TRMU: variants seen among roughly 807,000 people sequenced by gnomAD.
The protein encoded by TRMU is tRNA mitochondrial 2-thiouridylase, also known as mitochondrial tRNA-specific 2-thiouridylase 1.
Under a neutral mutation model 46.9 loss-of-function variants are expected in TRMU, and 49 were observed. The ratio of observed to expected loss-of-function variants is 1.05; its 90% confidence interval spans 0.83 to 1.33. The LOEUF is 1.33. Among genes scored for constraint, TRMU ranks in the 40% most tolerant of loss-of-function variants. The pLI is 0.00. For missense variants in TRMU, 572 were observed against 532.4 expected (o/e 1.07, Z -0.73); for synonymous variants, 241 against 200.9 (o/e 1.20, Z -1.69).
At chr22:46,356,691 C>A in intron 10 of TRMU, 151 bp from the exon 11 acceptor site, 2 of 897,390 alleles carry the variant, frequency 2.2e-6, no homozygotes, top group Non-Finnish European at 3.4e-6. Context: ...TCCTGTTCAG[C>A]AGCAGCAGCA....
At chr22:46,355,268 C>A in intron 8 of TRMU, 176 bp from the exon 9 acceptor site, 1 of 996,780 alleles carries the variant, frequency 1.0e-6, no homozygotes, top group Non-Finnish European at 1.5e-6. Context: ...AATGGGGATT[C>A]AAAGGCCCGG....
chr22:46,336,613 G>A lies in TRMU; in HGVS notation c.82+767G>A, dbSNP rs2077985668. ...TAACACCTGCCTCACGGGGTGACTG[G>A]AGGGATTAGATGACATAGTACATAC... On this transcript the variant is annotated intron_variant, in intron 1 of 10. Transcript: ENST00000645190. This position sits in a 1 kb window ranked among gnomAD's most constrained non-coding sequence, Gnocchi z 4.1. The A allele has an allele frequency of 6.6e-6, 1 of 152,376 alleles. No homozygotes were observed. The highest frequency in any genetic ancestry group is 2.1e-4 in the South Asian group (1 of 4,844). 9.4% of individuals were successfully genotyped at this position (152,376 alleles called of 1,614,324 possible). A position where few individuals can be genotyped will look rare whatever the true frequency, so the allele number is the denominator to read the frequency against.
chr22:46,338,253 C>T lies in TRMU; in HGVS notation c.248+309C>T. On this transcript the variant is annotated intron_variant, in intron 2 of 10. Transcript: ENST00000645190. The surrounding 1 kb of genome is among the most constrained non-coding windows in gnomAD (Gnocchi z 4.5). Reference sequence around the variant, plus strand: ...AGGATAGGGGAGCTAAGGCTGAGGGCTCCCCTGGAAGGTGAGCACCAATGC... The same window carrying T: ...AGGATAGGGGAGCTAAGGCTGAGGGTTCCCCTGGAAGGTGAGCACCAATGC... 2 of 397,168 alleles carry T rather than the reference C, an allele frequency of 5.0e-6. No homozygotes were observed. The highest frequency in any genetic ancestry group is 4.4e-5 in the South Asian group (2 of 45,662). The allele number at this position is 397,168 out of a possible 1,614,324, so 24.6% of individuals were successfully genotyped here.
In TRMU at chr22:46,351,547, T is replaced by C. The variant is rs1049960791; in HGVS notation, c.652-574T>C. The C allele has an allele frequency of 5.2e-6, 1 of 191,634 alleles. No individual in the cohort carries two copies. Among genetic ancestry groups the C allele is most frequent in the East Asian group, 1.2e-4 (1 of 8,316 alleles). 11.9% of individuals were successfully genotyped at this position (191,634 alleles called of 1,614,324 possible). ...CCCACCGCCCGTCCTCCTCTCCTCT[T>C]GTTTTCCGTTTCCGGTGTCGCTCTG... is the stretch of plus-strand genomic sequence containing the variant. On this transcript the variant is annotated intron_variant, in intron 5 of 10. Transcript: ENST00000645190. This position sits in a 1 kb window ranked among gnomAD's most constrained non-coding sequence, Gnocchi z 6.4.
Position 46,350,471 on chromosome 22 carries a change from T to G in TRMU, c.651+8T>G. 6.2e-7 allele frequency: 1 copy of G among 1,613,100 alleles called. No homozygotes were observed. The highest frequency in any genetic ancestry group is 1.1e-5 in the South Asian group (1 of 91,060). On this transcript the variant is annotated splice_region_variant and intron_variant, in intron 5 of 10. Coordinates refer to ENST00000645190, the MANE Select transcript of TRMU (RefSeq NM_018006.5). This position sits in a 1 kb window ranked among gnomAD's most constrained non-coding sequence, Gnocchi z 4.6. ...GTGCTTCAGAAGAAAGAGGTACGAG[T>G]GAGCAGTTGCCTTTGATTAGTGCCT...
chr22:46,346,346 G>A (rs1028895101), intron 3 of TRMU, 76 bp from the exon 4 acceptor site: 61 of 1,554,706 alleles, frequency 3.9e-5, no homozygotes, highest in Non-Finnish European at 5.1e-5. Flanking sequence ...CTCTTCTTTT[G>A]TGCCTTGGTT....
At chr22:46,356,576 A>C (rs1329441478) in intron 10 of TRMU, 3 of 538,722 alleles carry the variant, frequency 5.6e-6, no homozygotes, top group East Asian at 6.2e-5. Flanking sequence ...GAGACCTGCC[A>C]GTCCCTTGGA....
At chr22:46,352,824 C>T (rs974975759) in intron 7 of TRMU, 3 of 264,854 alleles carry the variant, frequency 1.1e-5, no homozygotes, top group Non-Finnish European at 1.5e-5. Flanking sequence ...CTGTGCTGTG[C>T]CTGGTGTCAG....
rs2077971113 is a variant in TRMU, at chr22:46,336,167, G to A, written c.82+321G>A. On this transcript the variant is annotated intron_variant, in intron 1 of 10. Coordinates refer to ENST00000645190, the MANE Select transcript of TRMU (RefSeq NM_018006.5). This position sits in a 1 kb window ranked among gnomAD's most constrained non-coding sequence, Gnocchi z 4.1. ...GAAGGGTTTCTCACGGATCTGCGGC[G>A]TCCACATTCACCTGTGAGACCGTGG... 2.4e-6 allele frequency: 3 copies of A among 1,248,392 alleles called. No homozygotes were observed. The highest frequency in any genetic ancestry group is 3.9e-5 in the Admixed American group (1 of 25,532). The allele number at this position is 1,248,392 out of a possible 1,614,324, so 77.3% of individuals were successfully genotyped here.
intron 1 of TRMU, 131 bp from the exon 2 acceptor site, chr22:46,337,648 G>T (rs117610625): frequency 8.4e-7 from 1 of 1,190,340 alleles, no homozygotes. Context: ...GCAAAGCAGG[G>T]ACTGCCCGGC....
chr22:46,356,292 T>C (rs1020119446), intron 10 of TRMU: 3 of 577,534 alleles, frequency 5.2e-6, no homozygotes, highest in African/African-American at 3.7e-5. Context: ...AGCCAGTTCC[T>C]GCTCGGGCCC....
chr22:46,340,132 C>T (rs2078083037), intron 2 of TRMU, among the ~76,000 whole-genome samples: 1 of 152,142 alleles, frequency 6.6e-6, no homozygotes. Context: ...TTGTTAAACA[C>T]AGACCTGGAC....
Position 46,335,760 on chromosome 22 carries a change from G to T in TRMU, c.-5G>T. On this transcript the variant is annotated 5_prime_UTR_variant, in exon 1 of 11. Transcript: ENST00000645190. ...CTGCAGCTGGCGAAGTTGGGCGACT[G>T]GCGGATGCAGGCCTTGCGGCACGTC... is the stretch of plus-strand genomic sequence containing the variant. 1 of 1,550,566 alleles carries T rather than the reference G, an allele frequency of 6.4e-7. No individual in the cohort carries two copies. The highest frequency in any genetic ancestry group is 1.9e-5 in the Admixed American group (1 of 52,210).
rs886042713 is a variant in TRMU, at chr22:46,343,302, C to T, written c.289C>T (p.Pro97Ser). The T allele has an allele frequency of 3.1e-6, 5 of 1,613,820 alleles. No individual in the cohort carries two copies. The Middle Eastern group carries it at 4.9e-4, about 160-fold the overall frequency. The change falls in exon 3 of 11, where the codon CCT (proline) becomes TCT (serine). Residue 97 changes from proline (P) to serine (S), a missense_variant. By Grantham distance (74) the Pro-to-Ser change is moderately conservative (BLOSUM62 -1). Transcript: ENST00000645190. ...NEYEKGRTPNPDIVCNKHIKF... is the reference protein window; with the variant it reads ...NEYEKGRTPNSDIVCNKHIKF... ...GTATGAAAAAGGAAGGACTCCCAAT[C>T]CTGACATAGTTTGCAACAAGCACAT...
In TRMU at chr22:46,347,103, T is replaced by C. The variant is rs2147059387; in HGVS notation, c.478+559T>C. Among the ~76,000 whole-genome samples, 1 of 152,378 alleles carries C rather than the reference T, an allele frequency of 6.6e-6. No individual in the cohort carries two copies. Among genetic ancestry groups the C allele is most frequent in the South Asian group, 2.1e-4 (1 of 4,832 alleles). The stretch of plus-strand genomic sequence containing the variant: ...ACAGTGAGCTGGGAAGCTGCTGGCC[T>C]GTCCTGGTGTACATTCGTGTGTAGA... On this transcript the variant is annotated intron_variant, in intron 4 of 10. Coordinates refer to ENST00000645190, the MANE Select transcript of TRMU (RefSeq NM_018006.5). The surrounding 1 kb of genome is among the most constrained non-coding windows in gnomAD (Gnocchi z 5.0).
At chr22:46,355,658 G>C in intron 9 of TRMU, 70 bp downstream of exon 9, 1 of 1,610,324 alleles carries the variant, frequency 6.2e-7, no homozygotes, top group Non-Finnish European at 8.5e-7. Context: ...ATTTGGGCCA[G>C]GGATGGGAGA....
chr22:46,354,962 T>C, intron 8 of TRMU: 1 of 208,546 alleles, frequency 4.8e-6, no homozygotes, highest in South Asian at 7.7e-5. Context: ...CTGGGGCACC[T>C]GTGGGAAGCC....
chr22:46,347,601 C>T lies in TRMU; in HGVS notation c.478+1057C>T, dbSNP rs570866283. 3 of 152,528 alleles carry T rather than the reference C, an allele frequency of 2.0e-5. No homozygotes were observed. Among genetic ancestry groups the T allele is most frequent in the South Asian group, 2.1e-4 (1 of 4,826 alleles). 9.4% of individuals were successfully genotyped at this position (152,528 alleles called of 1,614,324 possible). A position where few individuals can be genotyped will look rare whatever the true frequency, so the allele number is the denominator to read the frequency against. The stretch of plus-strand genomic sequence containing the variant: ...CTGGGCTCAAGCGATCCTCCCACCT[C>T]GGCCTCTCAAAGTGTTGGGATTACA... On this transcript the variant is annotated intron_variant, in intron 4 of 10. Coordinates refer to ENST00000645190, the MANE Select transcript of TRMU (RefSeq NM_018006.5). The surrounding 1 kb of genome is among the most constrained non-coding windows in gnomAD (Gnocchi z 5.0).
chr22:46,350,184 T>C lies in TRMU; in HGVS notation c.479-107T>C. On this transcript the variant is annotated intron_variant, in intron 4 of 10. Coordinates refer to ENST00000645190, the MANE Select transcript of TRMU (RefSeq NM_018006.5). This position sits in a 1 kb window ranked among gnomAD's most constrained non-coding sequence, Gnocchi z 4.6. Reference sequence around the variant, plus strand: ...TTGCTATTGAGTGTTGATGTCTGCCTCTGACAGGCTAGGGGTAGTCTGTCT... The same window carrying C: ...TTGCTATTGAGTGTTGATGTCTGCCCCTGACAGGCTAGGGGTAGTCTGTCT... 1 of 1,390,554 alleles carries C rather than the reference T, an allele frequency of 7.2e-7. No homozygotes were observed. Among genetic ancestry groups the C allele is most frequent in the Non-Finnish European group, 1.0e-6 (1 of 989,596 alleles). The allele number at this position is 1,390,554 out of a possible 1,614,324, so 86.1% of individuals were successfully genotyped here.
Sources: gnomAD v4.1 joint callset for allele counts (sites outside exome capture counted in the v4.1 genomes callset) on GRCh38, gnomAD v4.1.1 for gene constraint, Gnocchi (gnomAD v3.1) non-coding constraint, MANE v1.5 for transcripts, NCBI Gene and HGNC (gene_info 2026-07-23, HGNC 2026-07-21) for gene names.